Variants in KDM1B observed in about 807,000 individuals in gnomAD.
KDM1B encodes lysine demethylase 1B.
A neutral mutation model predicts 107.4 loss-of-function variants in KDM1B; 63 were observed. The ratio of observed to expected loss-of-function variants is 0.59; its 90% CI spans 0.48 to 0.72. KDM1B has a LOEUF of 0.72. Among genes scored for constraint, KDM1B ranks in the 30% least tolerant of loss-of-function variants. KDM1B has a pLI of 0.00. For missense variants in KDM1B, 749 were observed against 1,020.8 expected (o/e 0.73, Z 3.63); for synonymous variants, 363 against 363.9 (o/e 1.00, Z 0.03).
intron 5 of KDM1B, among the ~76,000 whole-genome samples, chr6:18,163,817 A>C (rs903447440): frequency 6.6e-6 from 1 of 152,172 alleles, no homozygotes; most frequent in African/African-American, 2.4e-5. Flanking sequence ...TAAATTTGTC[A>C]AAGTTTGCTT....
At position 18,205,492 on chromosome 6, in the gene KDM1B, C is replaced by T; in HGVS notation, c.1532-45C>T. ...AGCAAAGGAGAAAGAATTGGAGAATCTTGTTAAAGCTATTTTTTTCTGCTT... is the reference window on the plus strand; with the variant it reads ...AGCAAAGGAGAAAGAATTGGAGAATTTTGTTAAAGCTATTTTTTTCTGCTT... On this transcript the variant is annotated intron_variant, in intron 14 of 21. Transcript: ENST00000650836. This position sits in a 1 kb window ranked among gnomAD's most constrained non-coding sequence, Gnocchi z 5.7. 6.5e-7 allele frequency: 1 copy of T among 1,528,084 alleles called. No homozygotes were observed. Among genetic ancestry groups the T allele is most frequent in the Admixed American group, 2.1e-5 (1 of 48,776 alleles). The allele number at this position is 1,528,084 out of a possible 1,614,324, so 94.7% of individuals were successfully genotyped here.
At chr6:18,218,129 T>C (rs1192091461) in intron 21 of KDM1B, among the ~76,000 whole-genome samples, 9 of 152,142 alleles carry the variant, frequency 5.9e-5, no homozygotes, top group Non-Finnish European at 7.4e-5. Context: ...TCTTTCTTTT[T>C]TGTTTTTTTG....
chr6:18,218,016 C>T, intron 21 of KDM1B, 131 bp downstream of exon 21: 1 of 923,006 alleles, frequency 1.1e-6, no homozygotes, highest in Non-Finnish European at 1.6e-6. Flanking sequence ...ACAGCAGAAG[C>T]CTTCTCACCA....
Position 18,171,445 on chromosome 6 carries a change from A to G in KDM1B, c.500A>G (p.Tyr167Cys). Residue 167 changes from tyrosine to cysteine, a missense_variant, in exon 7 of 22, where the codon TAT (tyrosine) becomes TGT (cysteine). Coordinates refer to ENST00000650836, the MANE Select transcript of KDM1B (RefSeq NM_001364614.2). ...CTTACTCCACAGATAGCCAAGACTTATCGATGCGGTATGAAACCAAATACT... is the reference window on the plus strand; with the variant it reads ...CTTACTCCACAGATAGCCAAGACTTGTCGATGCGGTATGAAACCAAATACT... ...IQLTPQIAKT[Y>C]RCGMKPNTAI... 6.2e-7 allele frequency: 1 copy of G among 1,612,396 alleles called. No homozygotes were observed.
intron 7 of KDM1B, among the ~76,000 whole-genome samples, chr6:18,183,231 G>A (rs913170519): frequency 6.7e-6 from 1 of 150,298 alleles, no homozygotes; most frequent in Admixed American, 6.7e-5. Flanking sequence ...TCCCTTGCAG[G>A]GGTAAACAAT....
At chr6:18,180,826 A>G (rs915167271) in intron 7 of KDM1B, among the ~76,000 whole-genome samples, 1 of 152,190 alleles carries the variant, frequency 6.6e-6, no homozygotes, top group African/African-American at 2.4e-5. Flanking sequence ...TTGGCCTCTC[A>G]AAGTGCTGGG....
intron 7 of KDM1B, among the ~76,000 whole-genome samples, chr6:18,184,273 C>CTTCTTT (rs1554144142): frequency 7.7e-5 from 9 of 116,672 alleles, no homozygotes; most frequent in Non-Finnish European, 1.6e-4. Flanking sequence ...GTTCTAGCTT[C>CTTCTTT]TTTTTTTTTT....
At chr6:18,175,099 C>T (rs1286222600) in intron 7 of KDM1B, among the ~76,000 whole-genome samples, 1 of 152,080 alleles carries the variant, frequency 6.6e-6, no homozygotes, top group Non-Finnish European at 1.5e-5. Context: ...TTTACATTCC[C>T]ACCAGCAGTA....
At chr6:18,175,168 A>G (rs1785908508) in intron 7 of KDM1B, among the ~76,000 whole-genome samples, 2 of 152,186 alleles carry the variant, frequency 1.3e-5, no homozygotes, top group South Asian at 4.1e-4. Flanking sequence ...TGATATTTTT[A>G]TTATGGCCAT....
At chr6:18,184,550 C>T (rs1786708493) in intron 7 of KDM1B, among the ~76,000 whole-genome samples, 1 of 151,976 alleles carries the variant, frequency 6.6e-6, no homozygotes. Context: ...GCTGGGATTA[C>T]AGGTGTGAGC....
intron 20 of KDM1B, among the ~76,000 whole-genome samples, 162 bp from the exon 21 acceptor site, chr6:18,217,571 G>T (rs924971696): frequency 4.6e-5 from 7 of 151,944 alleles, no homozygotes; most frequent in Non-Finnish European, 1.0e-4. Context: ...TAGAGATGGG[G>T]TTTCACCGTG....
chr6:18,177,921 C>G (rs994913438), intron 7 of KDM1B, among the ~76,000 whole-genome samples: 3 of 152,132 alleles, frequency 2.0e-5, no homozygotes, highest in Non-Finnish European at 2.9e-5. Flanking sequence ...TTCCTGACCC[C>G]TTTTCTGACC....
rs917768849 is a variant in KDM1B at position 18,172,011 on chromosome 6, G to A, written c.534+532G>A. ...TTTTTTGCTAGTTTTGGTTTGTTTC[G>A]TTTTTATATAATGATGTTGACACCA... is the stretch of plus-strand genomic sequence containing the variant. On this transcript the variant is annotated intron_variant, in intron 7 of 21. Transcript: ENST00000650836. The surrounding 1 kb of genome is among the most constrained non-coding windows in gnomAD (Gnocchi z 5.2). 4.6e-5 allele frequency among the ~76,000 whole-genome samples: 7 copies of A among 152,072 alleles called. No homozygotes were observed. The highest frequency in any genetic ancestry group is 3.9e-4 in the Admixed American group (6 of 15,252).
intron 6 of KDM1B, among the ~76,000 whole-genome samples, chr6:18,167,038 C>T (rs992481203): frequency 4.6e-5 from 7 of 151,846 alleles, no homozygotes; most frequent in African/African-American, 7.3e-5. Flanking sequence ...GCTTCAGATA[C>T]GATTTTTGTA....
At chr6:18,173,128 A>G (rs925573314) in intron 7 of KDM1B, among the ~76,000 whole-genome samples, 2 of 151,726 alleles carry the variant, frequency 1.3e-5, no homozygotes, top group Non-Finnish European at 2.9e-5. Flanking sequence ...GAGTTATATC[A>G]TAAATTTATG....
intron 21 of KDM1B, among the ~76,000 whole-genome samples, chr6:18,219,132 G>C (rs1019097583): frequency 6.6e-6 from 1 of 152,086 alleles, no homozygotes; most frequent in African/African-American, 2.4e-5. Flanking sequence ...TCCATCTCCT[G>C]ACCTCGTGAT....
intron 20 of KDM1B, among the ~76,000 whole-genome samples, chr6:18,215,649 G>T (rs1789163941): frequency 6.6e-6 from 1 of 152,124 alleles, no homozygotes; most frequent in Admixed American, 6.5e-5. Flanking sequence ...GGAATTTGAG[G>T]GAGACACGGT....
intron 14 of KDM1B, among the ~76,000 whole-genome samples, chr6:18,202,534 T>C (rs1375409895): frequency 6.6e-6 from 1 of 152,232 alleles, no homozygotes; most frequent in East Asian, 1.9e-4. Context: ...AATTTTACTG[T>C]ATTGCTTCTT....
At chr6:18,196,780 A>G (rs540818557) in intron 10 of KDM1B, among the ~76,000 whole-genome samples, 1 of 152,308 alleles carries the variant, frequency 6.6e-6, no homozygotes, top group South Asian at 2.1e-4. Context: ...GGTAGCGTAA[A>G]GCATGCTGGA....
Sources: gnomAD v4.1 joint callset for allele counts (sites outside exome capture counted in the v4.1 genomes callset) on GRCh38, gnomAD v4.1.1 for gene constraint, Gnocchi (gnomAD v3.1) non-coding constraint, MANE v1.5 for transcripts, NCBI Gene and HGNC (gene_info 2026-07-23, HGNC 2026-07-21) for gene names.